SLC25A46: variants seen among roughly 807,000 people sequenced by gnomAD.
SLC25A46 encodes solute carrier family 25 member 46, also known as mitochondrial outer membrane protein SLC25A46.
In SLC25A46, 39 loss-of-function variants were observed where a neutral mutation model predicts 44.6. That is an observed-to-expected ratio of 0.87 (90% CI 0.68 to 1.14). SLC25A46 has a LOEUF of 1.14. Among genes scored for constraint, SLC25A46 ranks in the 50% most tolerant of loss-of-function variants. The pLI, the probability that SLC25A46 is intolerant of heterozygous loss-of-function variation, is 0.00. For synonymous variants in SLC25A46, 202 were observed against 185.8 expected, an observed-to-expected ratio of 1.09 and a Z score of -0.71; for missense variants, 547 against 522.7, an observed-to-expected ratio of 1.05 and a Z score of -0.45.
rs768641525 is a variant in SLC25A46, at chr5:110,761,626, G to A, written c.1101G>A (p.Glu367=). ...YEVLPINTQY[E]GMRDCINTIR... ...TGCTTCCAATTAATACACAATATGA[G>A]GGAATGAGAGACTGTATCAATACCA... Residue 367 remains glutamate, a synonymous_variant, in exon 8 of 8, where the codon GAG becomes GAA. Transcript: ENST00000355943. The surrounding 1 kb of genome is among the most constrained non-coding windows in gnomAD (Gnocchi z 5.3). 5.6e-6 allele frequency: 9 copies of A among 1,613,552 alleles called. No individual in the cohort carries two copies. Among genetic ancestry groups the A allele is most frequent in the Non-Finnish European group, 6.8e-6 (8 of 1,179,746 alleles).
chr5:110,738,951 G>C (rs889175123), upstream of SLC25A46: 3 of 1,439,216 alleles, frequency 2.1e-6, no homozygotes, highest in Non-Finnish European at 2.7e-6. Flanking sequence ...TGCCGGAAGA[G>C]GCTATAATCA....
At chr5:110,758,175 CAAT>C (rs1561607955) in intron 7 of SLC25A46, among the ~76,000 whole-genome samples, 2 of 151,978 alleles carry the variant, frequency 1.3e-5, no homozygotes, top group Admixed American at 1.3e-4. Context: ...CATCTTTTTT[CAAT>C]AATGCCTTTG....
chr5:110,749,423 C>T (rs932719333), intron 5 of SLC25A46, among the ~76,000 whole-genome samples: 2 of 149,618 alleles, frequency 1.3e-5, no homozygotes, highest in Non-Finnish European at 3.0e-5. Context: ...ATGAAATCAC[C>T]TAAGGAGAAA....
At chr5:110,738,170 T>TC, upstream of SLC25A46, 2 of 1,250,116 alleles carry the variant, frequency 1.6e-6, no homozygotes, top group South Asian at 2.6e-5. Flanking sequence ...TGAAGGAACA[T>TC]AGGATGAAAC....
intron 2 of SLC25A46, 152 bp downstream of exon 2, chr5:110,742,241 AT>A (rs1329390255): frequency 9.3e-6 from 5 of 536,876 alleles, no homozygotes; most frequent in African/African-American, 2.0e-5. Flanking sequence ...CAGAAAAAAA[AT>A]GACCATTATT....
In SLC25A46 at chr5:110,762,936, G is replaced by A. The variant is rs1800293723; in HGVS notation, c.*1154G>A. 1 of 151,802 alleles carries A rather than the reference G, an allele frequency of 6.6e-6. No individual in the cohort carries two copies. The highest frequency in any genetic ancestry group is 1.5e-5 in the Non-Finnish European group (1 of 67,868). 9.4% of individuals were successfully genotyped at this position (151,802 alleles called of 1,614,324 possible). Reference sequence around the variant, plus strand: ...ATCACCTTTTATTTAAACTTCTTTAGATGAATACTGAAGAAAAATCCAAAC... The same window carrying A: ...ATCACCTTTTATTTAAACTTCTTTAAATGAATACTGAAGAAAAATCCAAAC... On this transcript the variant is annotated 3_prime_UTR_variant, in exon 8 of 8. Transcript: ENST00000355943.
upstream of SLC25A46, chr5:110,738,155 C>G (rs1190900365): frequency 1.5e-5 from 17 of 1,165,298 alleles, no homozygotes; most frequent in East Asian, 4.0e-4. Context: ...GGGCTTCCAA[C>G]GAGTTGAAGG....
At chr5:110,758,158 T>C (rs1265104842) in intron 7 of SLC25A46, among the ~76,000 whole-genome samples, 1 of 152,156 alleles carries the variant, frequency 6.6e-6, no homozygotes, top group Non-Finnish European at 1.5e-5. Context: ...GATTTCTCTC[T>C]CTTGAACATC....
In SLC25A46 at chr5:110,761,507, G is replaced by A; in HGVS notation, c.982G>A (p.Asp328Asn). ...IANFAASLCS[D>N]VILYPLETVL... ...TAACTTTGCTGCCAGTCTTTGTTCT[G>A]ACGTTATACTTTACCCATTGGAAAC... The change falls in exon 8 of 8, where the codon GAC (aspartate) becomes AAC (asparagine). Residue 328 changes from aspartate to asparagine, a missense_variant. Transcript: ENST00000355943. This position sits in a 1 kb window ranked among gnomAD's most constrained non-coding sequence, Gnocchi z 5.3. The A allele has an allele frequency of 6.2e-7, 1 of 1,613,724 alleles. No homozygotes were observed. The highest frequency in any genetic ancestry group is 1.7e-5 in the Admixed American group (1 of 59,952).
chr5:110,746,753 C>T (rs907912639), intron 4 of SLC25A46, among the ~76,000 whole-genome samples: 2 of 152,062 alleles, frequency 1.3e-5, no homozygotes, highest in Middle Eastern at 3.2e-3. Context: ...AAGAAAGGCC[C>T]GAATTGTGTG....
intron 3 of SLC25A46, among the ~76,000 whole-genome samples, chr5:110,745,404 C>A (rs1799791287): frequency 6.6e-6 from 1 of 152,088 alleles, no homozygotes; most frequent in Non-Finnish European, 1.5e-5. Context: ...CAGGAGCCCG[C>A]CACCGTGCCC....
chr5:110,746,220 T>G (rs759481519), intron 3 of SLC25A46, 49 bp from the exon 4 acceptor site: 1 of 1,383,984 alleles, frequency 7.2e-7, no homozygotes, highest in Non-Finnish European at 1.0e-6. Context: ...CTCTGTTATT[T>G]CTTGACAAAA....
chr5:110,744,223 G>C (rs1329961376), intron 3 of SLC25A46, among the ~76,000 whole-genome samples: 2 of 152,132 alleles, frequency 1.3e-5, no homozygotes, highest in Non-Finnish European at 2.9e-5. Context: ...GTTTAGTCTT[G>C]TACACATGTA....
At chr5:110,743,948 G>A (rs1428320118) in intron 3 of SLC25A46, among the ~76,000 whole-genome samples, 161 bp downstream of exon 3, 1 of 151,864 alleles carries the variant, frequency 6.6e-6, no homozygotes, top group African/African-American at 2.4e-5. Flanking sequence ...AAAATATTGA[G>A]GATCCTAAAT....
At chr5:110,738,276 C>T (rs1193186749), upstream of SLC25A46, 1 of 1,273,686 alleles carries the variant, frequency 7.9e-7, no homozygotes, top group Non-Finnish European at 1.0e-6. Context: ...CAGTAGTCCT[C>T]TCAGTTATTC....
intron 5 of SLC25A46, among the ~76,000 whole-genome samples, chr5:110,750,769 G>C (rs939500797): frequency 1.7e-4 from 26 of 152,116 alleles, no homozygotes; most frequent in Admixed American, 3.9e-4. Flanking sequence ...GGAACCCATG[G>C]ATATGGAGGG....
chr5:110,746,015 C>A, intron 3 of SLC25A46: 1 of 266,560 alleles, frequency 3.8e-6, no homozygotes, highest in Non-Finnish European at 7.0e-6. Context: ...CAAATAAGAC[C>A]CTCTTTATTA....
chr5:110,755,102 T>C (rs534741583), intron 5 of SLC25A46: 4 of 164,278 alleles, frequency 2.4e-5, no homozygotes, highest in African/African-American at 7.2e-5. Flanking sequence ...GTCATTCTTA[T>C]ATACTTTGTA....
chr5:110,742,150 A>G, intron 2 of SLC25A46, 61 bp downstream of exon 2: 2 of 1,174,620 alleles, frequency 1.7e-6, no homozygotes, highest in Non-Finnish European at 2.4e-6. Context: ...TTTTTCTTTA[A>G]TTTACAATAT....
Sources: allele counts gnomAD v4.1 joint callset (sites outside exome capture counted in the v4.1 genomes callset), GRCh38; gene constraint gnomAD v4.1.1; non-coding constraint Gnocchi (gnomAD v3.1); transcripts MANE v1.5; gene names NCBI Gene and HGNC (gene_info 2026-07-23, HGNC 2026-07-21).